Variants in DNM3 observed in about 807,000 individuals in gnomAD.
DNM3 encodes the protein dynamin-3.
DNM3 carries 47 observed loss-of-function variants against 101.6 expected under a neutral mutation model. The ratio of observed to expected loss-of-function variants is 0.46; its 90% CI spans 0.37 to 0.59. DNM3 has a LOEUF of 0.59. Among genes scored for constraint, DNM3 ranks in the 20% least tolerant of loss-of-function variants. The pLI is 0.00. For synonymous variants in DNM3, 385 were observed against 387.9 expected (o/e 0.99, Z 0.09); for missense variants, 849 against 1,085.7 (o/e 0.78, Z 3.06).
intron 1 of DNM3, among the ~76,000 whole-genome samples, chr1:171,854,301 A>G (rs2033335352): frequency 6.6e-6 from 1 of 152,150 alleles, no homozygotes; most frequent in Admixed American, 6.5e-5. Context: ...GTACAATGGG[A>G]CAATAGTAGT....
At chr1:171,970,281 AT>A in intron 2 of DNM3, 1 of 325,930 alleles carries the variant, frequency 3.1e-6, no homozygotes, top group Non-Finnish European at 4.4e-6. Context: ...TAAGGGTAAC[AT>A]TTTTGGGAAA....
rs140572840 is a variant in DNM3 at position 172,375,255 on chromosome 1, T to C, written c.1894-3763T>C. On this transcript the variant is annotated intron_variant, in intron 17 of 20. Coordinates refer to ENST00000627582, the MANE Select transcript of DNM3 (RefSeq NM_015569.5). ...CATCATGATCAATAGCACAATTGTT[T>C]TATGTCTGTAAGGCATTTCTCATAG... Among the ~76,000 whole-genome samples, 41 of 152,206 alleles carry C rather than the reference T, an allele frequency of 2.7e-4. No homozygotes were observed. The East Asian group carries it at 6.8e-3, about 25-fold the overall frequency.
intron 11 of DNM3, 25 bp from the exon 12 acceptor site, chr1:172,081,807 T>C (rs2053170096): frequency 6.3e-7 from 1 of 1,592,624 alleles, no homozygotes; most frequent in South Asian, 1.1e-5. Flanking sequence ...GGGTTTTCAC[T>C]GAAGTGTTTC....
intron 13 of DNM3, among the ~76,000 whole-genome samples, chr1:172,128,852 CT>C (rs1455613028): frequency 2.6e-5 from 4 of 152,080 alleles, no homozygotes; most frequent in Non-Finnish European, 5.9e-5. Context: ...TTCCTTTTAA[CT>C]TTATACATCA....
At chr1:172,317,290 A>G (rs1246003437) in intron 16 of DNM3, among the ~76,000 whole-genome samples, 1 of 151,928 alleles carries the variant, frequency 6.6e-6, no homozygotes, top group Non-Finnish European at 1.5e-5. Context: ...AAAGCAGGAA[A>G]GATCCAAAAT....
At chr1:171,884,344 T>C (rs1192387599) in intron 1 of DNM3, among the ~76,000 whole-genome samples, 2 of 152,230 alleles carry the variant, frequency 1.3e-5, no homozygotes, top group Non-Finnish European at 1.5e-5. Flanking sequence ...CTGACACTCC[T>C]GTTCATCTTC....
In DNM3 at chr1:171,937,325, A is replaced by T. The variant is rs542794765; in HGVS notation, c.235+15504A>T. Among the ~76,000 whole-genome samples, 12 of 152,070 alleles carry T rather than the reference A, an allele frequency of 7.9e-5. No individual in the cohort carries two copies. In the East Asian group the frequency reaches 2.3e-3, roughly 29 times the overall value. On this transcript the variant is annotated intron_variant, in intron 2 of 20. Coordinates refer to ENST00000627582, the MANE Select transcript of DNM3 (RefSeq NM_015569.5). ...AAATTAACCTCATGGTAATAAATGTACTTCTGAAAACATTTCTTCTTAAAC... is the reference window on the plus strand; with the variant it reads ...AAATTAACCTCATGGTAATAAATGTTCTTCTGAAAACATTTCTTCTTAAAC...
intron 11 of DNM3, among the ~76,000 whole-genome samples, chr1:172,072,809 C>T (rs2052306478): frequency 6.6e-6 from 1 of 152,154 alleles, no homozygotes; most frequent in South Asian, 2.1e-4. Flanking sequence ...ATTGTTTGAA[C>T]CCAGGAGGCG....
chr1:171,987,241 A>G (rs180942733), intron 2 of DNM3: 3 of 936,920 alleles, frequency 3.2e-6, no homozygotes, highest in East Asian at 2.3e-4. Flanking sequence ...AGATATATTT[A>G]TATAACTTGG....
rs111657255 is a variant in DNM3, at chr1:172,132,899, C to T, written c.1659+1611C>T. On this transcript the variant is annotated intron_variant, in intron 14 of 20. Coordinates refer to ENST00000627582, the MANE Select transcript of DNM3 (RefSeq NM_015569.5). Reference sequence around the variant, plus strand: ...TTTTCCTTATTGCAGAACATTTAGTCTTGGCGAGGATAACCAACTTACCAA... The same window carrying T: ...TTTTCCTTATTGCAGAACATTTAGTTTTGGCGAGGATAACCAACTTACCAA... The T allele has an allele frequency of 7.3e-5, 73 of 1,000,860 alleles. 1 individual carries two copies. In the African/African-American group the frequency reaches 8.0e-4, roughly 11 times the overall value. The allele number at this position is 1,000,860 out of a possible 1,614,324, so 62.0% of individuals were successfully genotyped here.
intron 4 of DNM3, among the ~76,000 whole-genome samples, chr1:171,999,839 T>A (rs1489472155): frequency 6.6e-6 from 1 of 152,136 alleles, no homozygotes; most frequent in East Asian, 1.9e-4. Context: ...ATTGGAGTTA[T>A]GTTGCCACAG....
intron 14 of DNM3, among the ~76,000 whole-genome samples, chr1:172,186,661 C>A (rs920287525): frequency 6.6e-6 from 1 of 152,080 alleles, no homozygotes; most frequent in African/African-American, 2.4e-5. Flanking sequence ...TATTGATGGT[C>A]AGCCCCCTCT....
intron 1 of DNM3, among the ~76,000 whole-genome samples, chr1:171,887,117 C>A (rs2036846935): frequency 1.3e-5 from 2 of 152,172 alleles, no homozygotes; most frequent in South Asian, 4.1e-4. Context: ...AAAGAGCTTC[C>A]TATTTCCTGA....
chr1:171,970,771 A>G (rs935242778), intron 2 of DNM3, among the ~76,000 whole-genome samples: 2 of 152,038 alleles, frequency 1.3e-5, no homozygotes, highest in East Asian at 3.8e-4. Context: ...CTAACTTTTT[A>G]CTGGTCACTG....
chr1:172,117,634 A>G (rs2147991590), intron 13 of DNM3, among the ~76,000 whole-genome samples: 1 of 152,196 alleles, frequency 6.6e-6, no homozygotes, highest in Non-Finnish European at 1.5e-5. Context: ...TCCTAGTCTT[A>G]GGTATGTTTT....
intron 1 of DNM3, among the ~76,000 whole-genome samples, chr1:171,904,713 G>A (rs1303905355): frequency 6.6e-6 from 1 of 152,100 alleles, no homozygotes; most frequent in Non-Finnish European, 1.5e-5. Context: ...GTGTCTTGGA[G>A]GTCCTTATGG....
chr1:172,005,280 T>G (rs1393940549), intron 4 of DNM3, among the ~76,000 whole-genome samples: 3 of 152,132 alleles, frequency 2.0e-5, no homozygotes, highest in African/African-American at 4.8e-5. Flanking sequence ...CTTGATAAAC[T>G]ATATAAAAGT....
intron 1 of DNM3, among the ~76,000 whole-genome samples, chr1:171,856,077 C>T (rs1249574256): frequency 1.3e-5 from 2 of 152,186 alleles, no homozygotes; most frequent in African/African-American, 4.8e-5. Context: ...CTTCAATCTT[C>T]TGCATATGGC....
At chr1:172,072,311 T>C (rs1194198134) in intron 11 of DNM3, among the ~76,000 whole-genome samples, 2 of 152,246 alleles carry the variant, frequency 1.3e-5, no homozygotes. Flanking sequence ...AAACTCTGAC[T>C]GTATGAATTT....
Sources: gnomAD v4.1 joint callset for allele counts (sites outside exome capture counted in the v4.1 genomes callset) on GRCh38, gnomAD v4.1.1 for gene constraint, MANE v1.5 for transcripts, NCBI Gene and HGNC (gene_info 2026-07-23, HGNC 2026-07-21) for gene names.